PTPRG: variants seen among roughly 807,000 people sequenced by gnomAD.
The protein encoded by PTPRG is receptor-type tyrosine-protein phosphatase gamma.
Under a neutral mutation model 165.3 loss-of-function variants are expected in PTPRG, and 102 were observed. That is an observed-to-expected ratio of 0.62 (90% CI 0.53 to 0.73). The LOEUF (loss-of-function observed/expected upper bound fraction) is 0.73, where lower values mean the gene tolerates loss of function less well. Ranked by LOEUF, PTPRG falls within the 30% of genes least tolerant of loss-of-function variation. The pLI is 0.00. For synonymous variants in PTPRG, 675 were observed against 669.5 expected (o/e 1.01, Z -0.13); for missense variants, 1,866 against 1,861.4 (o/e 1.00, Z -0.05).
chr3:62,276,553 A>C (rs555880007), intron 24 of PTPRG: 1 of 170,008 alleles, frequency 5.9e-6, no homozygotes, highest in East Asian at 1.7e-4. Flanking sequence ...ATTTATCTCT[A>C]ATGAAAAAGG....
chr3:62,259,228 A>G (rs1339279728), intron 16 of PTPRG, among the ~76,000 whole-genome samples: 1 of 152,206 alleles, frequency 6.6e-6, no homozygotes, highest in East Asian at 1.9e-4. Flanking sequence ...ATGATGTATA[A>G]TAGGGAAGTC....
chr3:62,015,448 C>T (rs181195463), intron 4 of PTPRG, among the ~76,000 whole-genome samples: 1 of 152,320 alleles, frequency 6.6e-6, no homozygotes, highest in East Asian at 1.9e-4. Context: ...ATGTTTTCAG[C>T]AGAGAATGTT....
intron 2 of PTPRG, among the ~76,000 whole-genome samples, chr3:61,954,799 C>A (rs770892703): frequency 2.0e-5 from 3 of 152,146 alleles, no homozygotes; most frequent in African/African-American, 7.2e-5. Context: ...TAAGGATGAA[C>A]AGATGAGAAT....
intron 17 of PTPRG, among the ~76,000 whole-genome samples, chr3:62,266,056 G>T (rs941573574): frequency 2.6e-5 from 4 of 152,086 alleles, no homozygotes; most frequent in Non-Finnish European, 4.4e-5. Flanking sequence ...CAAAGGTCAT[G>T]GTGTTTTGCT....
rs762291087 is a variant in PTPRG at position 62,267,782 on chromosome 3, T to C, written c.2837T>C (p.Ile946Thr). The change falls in exon 19 of 30, where the codon ATC (isoleucine) becomes ACC (threonine). Residue 946 changes from isoleucine to threonine, a missense_variant. By Grantham distance (89) the Ile-to-Thr change is moderately conservative. This residue lies in a region of PTPRG where 1,452 missense variants were observed against 1,463.0 expected (regional missense o/e 0.99). Coordinates refer to ENST00000474889, the MANE Select transcript of PTPRG (RefSeq NM_002841.4). ...ATGATTTGGGAACAAAACACTGGAATCATTGTGATGATTACGAACCTTGTG... is the reference window on the plus strand; with the variant it reads ...ATGATTTGGGAACAAAACACTGGAACCATTGTGATGATTACGAACCTTGTG... The part of the protein sequence containing the change: ...WRMIWEQNTG[I>T]IVMITNLVEK... 1.1e-5 allele frequency: 18 copies of C among 1,613,560 alleles called. No homozygotes were observed. In the South Asian group the frequency reaches 2.0e-4, roughly 18 times the overall value.
chr3:61,975,837 A>G (rs1017489780), intron 2 of PTPRG, among the ~76,000 whole-genome samples: 1 of 152,168 alleles, frequency 6.6e-6, no homozygotes, highest in African/African-American at 2.4e-5. Flanking sequence ...TCGATCACAA[A>G]TTTAGACACA....
intron 1 of PTPRG, among the ~76,000 whole-genome samples, chr3:61,575,306 A>C (rs565652712): frequency 1.3e-5 from 2 of 152,278 alleles, no homozygotes; most frequent in East Asian, 3.9e-4. Flanking sequence ...GTGAAAATAA[A>C]TCTTATATGC....
intron 2 of PTPRG, among the ~76,000 whole-genome samples, chr3:61,827,604 C>T (rs577256848): frequency 6.6e-6 from 1 of 152,250 alleles, no homozygotes; most frequent in Non-Finnish European, 1.5e-5. Context: ...ATTTCTCTGT[C>T]TATCTAACCA....
At chr3:61,579,385 A>T (rs1700233114) in intron 1 of PTPRG, among the ~76,000 whole-genome samples, 1 of 152,200 alleles carries the variant, frequency 6.6e-6, no homozygotes, top group South Asian at 2.1e-4. Flanking sequence ...GAGGGAGGGC[A>T]TCCTGAAATT....
chr3:62,236,166 A>C (rs1255771162), intron 14 of PTPRG, among the ~76,000 whole-genome samples: 1 of 152,216 alleles, frequency 6.6e-6, no homozygotes, highest in Non-Finnish European at 1.5e-5. Flanking sequence ...GTATATGAAA[A>C]ATCTCAACTT....
intron 11 of PTPRG, 86 bp downstream of exon 11, chr3:62,201,640 ATGT>A: frequency 7.2e-7 from 1 of 1,380,188 alleles, no homozygotes; most frequent in Non-Finnish European, 1.0e-6. Flanking sequence ...TGGCAGTATA[ATGT>A]TGTTAAACTG....
intron 2 of PTPRG, among the ~76,000 whole-genome samples, chr3:61,782,726 C>G (rs1478156650): frequency 1.3e-5 from 2 of 152,140 alleles, no homozygotes; most frequent in East Asian, 3.9e-4. Flanking sequence ...TCGTTTTAAG[C>G]TGAAGGTTAT....
chr3:61,894,103 A>G (rs1166712807), intron 2 of PTPRG, among the ~76,000 whole-genome samples: 1 of 152,096 alleles, frequency 6.6e-6, no homozygotes, highest in Non-Finnish European at 1.5e-5. Flanking sequence ...CAGGAGTTCA[A>G]GACCAGTCTG....
intron 2 of PTPRG, among the ~76,000 whole-genome samples, chr3:61,864,357 C>G (rs2037349760): frequency 6.6e-6 from 1 of 152,158 alleles, no homozygotes; most frequent in South Asian, 2.1e-4. Flanking sequence ...TGGCATTGAT[C>G]TCTAACGATG....
In PTPRG at chr3:61,653,212, G is replaced by A. The variant is rs60537846; in HGVS notation, c.85+90840G>A. Among the ~76,000 whole-genome samples the A allele has an allele frequency of 9.1e-3, 1,380 of 151,968 alleles. 27 individuals are homozygous for A. The highest frequency in any genetic ancestry group is 0.029 in the African/African-American group (1,197 of 41,406). The stretch of plus-strand genomic sequence containing the variant: ...TATACATATTACACATAGGAAAGAC[G>A]TATTGTACATATAGGGTTAGTCAAG... On this transcript the variant is annotated intron_variant, in intron 1 of 29. Transcript: ENST00000474889.
intron 1 of PTPRG, among the ~76,000 whole-genome samples, chr3:61,652,292 G>A (rs1702374913): frequency 1.3e-5 from 2 of 152,220 alleles, no homozygotes; most frequent in African/African-American, 2.4e-5. Context: ...GAGACAGAGC[G>A]AGACTCCGTC....
chr3:61,738,279 C>CAT (rs1169177844), intron 1 of PTPRG, among the ~76,000 whole-genome samples: 37 of 15,488 alleles, frequency 2.4e-3, no homozygotes, highest in South Asian at 0.016. Flanking sequence ...TATATATATA[C>CAT]ATATATATAT....
intron 1 of PTPRG, among the ~76,000 whole-genome samples, chr3:61,678,969 C>CT (rs1001431549): frequency 2.0e-5 from 3 of 151,832 alleles, no homozygotes; most frequent in South Asian, 2.1e-4. Context: ...GCAATAATGG[C>CT]TTTTTTTCCC....
At chr3:61,617,827 C>T (rs1208642599) in intron 1 of PTPRG, among the ~76,000 whole-genome samples, 6 of 152,088 alleles carry the variant, frequency 3.9e-5, no homozygotes, top group East Asian at 1.9e-4. Flanking sequence ...TCTATATCTT[C>T]TTTGTTGTGT....
Sources: gnomAD v4.1 joint callset for allele counts (sites outside exome capture counted in the v4.1 genomes callset) on GRCh38, gnomAD v4.1.1 for gene constraint, gnomAD v4.1.1 regional missense constraint, MANE v1.5 for transcripts, NCBI Gene and HGNC (gene_info 2026-07-23, HGNC 2026-07-21) for gene names.